INO80D: variants seen among roughly 807,000 people sequenced by gnomAD.
INO80D encodes INO80 complex subunit D.
Under a neutral mutation model 87.6 loss-of-function variants are expected in INO80D, and 21 were observed. The ratio of observed to expected loss-of-function variants is 0.24; its 90% CI spans 0.17 to 0.35. The LOEUF is 0.35. Among genes scored for constraint, INO80D ranks in the 10% least tolerant of loss-of-function variants. The probability of loss-of-function intolerance (pLI) is 1.00; values close to 1 mark genes in which losing one functional copy is unlikely to be tolerated. For missense variants in INO80D, 982 were observed against 1,280.7 expected, an observed-to-expected ratio of 0.77 and a Z score of 3.56; for synonymous variants, 440 against 491.0, an observed-to-expected ratio of 0.90 and a Z score of 1.37.
chr2:205,995,145 A>G lies in INO80D; in HGVS notation c.*9223T>C, dbSNP rs1687787052. On this transcript the variant is annotated 3_prime_UTR_variant, in exon 11 of 11. Coordinates refer to ENST00000403263, the MANE Select transcript of INO80D (RefSeq NM_017759.5). ...GTTGATCTAGGAGATGGTGGCTGACATACACTAACGGAAATATTAGGATTG... is the reference window on the plus strand; with the variant it reads ...GTTGATCTAGGAGATGGTGGCTGACGTACACTAACGGAAATATTAGGATTG... 1 of 152,218 alleles carries G rather than the reference A, an allele frequency of 6.6e-6. No individual in the cohort carries two copies. Among genetic ancestry groups the G allele is most frequent in the Non-Finnish European group, 1.5e-5 (1 of 68,024 alleles). 9.4% of individuals were successfully genotyped at this position (152,218 alleles called of 1,614,324 possible). A position where few individuals can be genotyped will look rare whatever the true frequency, so the allele number is the denominator to read the frequency against.
rs1439969308 is a variant in INO80D at position 206,001,716 on chromosome 2, G to A, written c.*2652C>T. The A allele has an allele frequency of 6.6e-6, 1 of 152,134 alleles. No individual in the cohort carries two copies. The highest frequency in any genetic ancestry group is 1.5e-5 in the Non-Finnish European group (1 of 68,016). 9.4% of individuals were successfully genotyped at this position (152,134 alleles called of 1,614,324 possible). A position where few individuals can be genotyped will look rare whatever the true frequency, so the allele number is the denominator to read the frequency against. On this transcript the variant is annotated 3_prime_UTR_variant, in exon 11 of 11. Transcript: ENST00000403263. ...AAGGGACTCATAAGAAACAGCAAGA[G>A]CAAAGCAAATTGCAAACTTTGATAT...
At chr2:206,034,938 T>C (rs1688855828) in intron 5 of INO80D, among the ~76,000 whole-genome samples, 1 of 152,076 alleles carries the variant, frequency 6.6e-6, no homozygotes, top group African/African-American at 2.4e-5. Context: ...AGCTCTTCTA[T>C]ACACCAACAG....
chr2:206,050,449 G>A (rs2105871954), intron 4 of INO80D, among the ~76,000 whole-genome samples: 1 of 132,218 alleles, frequency 7.6e-6, no homozygotes, highest in South Asian at 2.5e-4. Flanking sequence ...CCGAGACCTC[G>A]CCACTGCATT....
chr2:206,049,328 AT>A (rs1352125077), intron 4 of INO80D, among the ~76,000 whole-genome samples: 3 of 152,220 alleles, frequency 2.0e-5, no homozygotes, highest in African/African-American at 7.2e-5. Flanking sequence ...AACTGAAATA[AT>A]TAATAATTTG....
At chr2:206,082,387 C>T (rs116125528) in intron 1 of INO80D, among the ~76,000 whole-genome samples, 3,862 of 152,316 alleles carry the variant, frequency 0.025, 83 homozygotes, top group Admixed American at 0.035. Flanking sequence ...TGTCACCTTA[C>T]GTGCAAGGAG....
chr2:206,054,321 C>T (rs1013955602), intron 4 of INO80D, among the ~76,000 whole-genome samples: 1 of 151,902 alleles, frequency 6.6e-6, no homozygotes, highest in African/African-American at 2.4e-5. Flanking sequence ...TGCACCCAGC[C>T]TGCTACATAA....
chr2:206,065,305 C>T (rs1689784905), intron 1 of INO80D, among the ~76,000 whole-genome samples: 1 of 151,990 alleles, frequency 6.6e-6, no homozygotes, highest in African/African-American at 2.4e-5. Context: ...CCTGTCTCTA[C>T]TAAAAAATAC....
intron 5 of INO80D, among the ~76,000 whole-genome samples, chr2:206,032,551 T>A (rs1391242697): frequency 1.3e-5 from 2 of 152,170 alleles, no homozygotes; most frequent in Non-Finnish European, 2.9e-5. Flanking sequence ...AAGGAAAGAA[T>A]CTTAAGAGCT....
At chr2:206,014,241 A>T (rs1191576748) in intron 8 of INO80D, among the ~76,000 whole-genome samples, 2 of 152,184 alleles carry the variant, frequency 1.3e-5, no homozygotes, top group Non-Finnish European at 2.9e-5. Flanking sequence ...GTAATATGTA[A>T]TTGTAATATG....
In INO80D at chr2:205,995,180, T is replaced by C. The variant is rs1687787805; in HGVS notation, c.*9188A>G. 6.6e-6 allele frequency: 1 copy of C among 152,062 alleles called. No homozygotes were observed. Among genetic ancestry groups the C allele is most frequent in the Non-Finnish European group, 1.5e-5 (1 of 67,986 alleles). The allele number at this position is 152,062 out of a possible 1,614,324, so 9.4% of individuals were successfully genotyped here. ...GGAAATATTAGGATTGCTTTATAAG[T>C]GAAATAAACAGTCTGGTCTGTGGAA... On this transcript the variant is annotated 3_prime_UTR_variant, in exon 11 of 11. Transcript: ENST00000403263.
chr2:206,037,988 C>CA (rs1383472301), intron 5 of INO80D, among the ~76,000 whole-genome samples: 1 of 152,174 alleles, frequency 6.6e-6, no homozygotes, highest in African/African-American at 2.4e-5. Flanking sequence ...CACAGAAAGA[C>CA]AAGTATCACA....
At chr2:206,039,810 CA>C (rs35689223) in intron 5 of INO80D, among the ~76,000 whole-genome samples, 30,677 of 101,142 alleles carry the variant, frequency 0.3, 2,219 homozygotes, top group South Asian at 0.49. Flanking sequence ...CCTCTGTCTC[CA>C]AAAAAAAAAA....
intron 5 of INO80D, among the ~76,000 whole-genome samples, chr2:206,031,168 C>T (rs1043129413): frequency 2.6e-5 from 4 of 151,660 alleles, no homozygotes; most frequent in African/African-American, 9.7e-5. Context: ...GCAGGAGAAT[C>T]ACTTGAACCC....
chr2:206,035,542 G>A (rs1688870372), intron 5 of INO80D, among the ~76,000 whole-genome samples: 2 of 152,104 alleles, frequency 1.3e-5, no homozygotes, highest in Non-Finnish European at 2.9e-5. Context: ...CCACATGTAG[G>A]AGAATGAAAC....
intron 8 of INO80D, among the ~76,000 whole-genome samples, chr2:206,011,233 C>A (rs1474119569): frequency 1.3e-5 from 2 of 152,188 alleles, no homozygotes; most frequent in Non-Finnish European, 2.9e-5. Flanking sequence ...CCATTCCAGG[C>A]TTTCCCTCCA....
At chr2:206,033,769 A>G (rs1688827173) in intron 5 of INO80D, among the ~76,000 whole-genome samples, 1 of 152,180 alleles carries the variant, frequency 6.6e-6, no homozygotes, top group African/African-American at 2.4e-5. Flanking sequence ...TGAAACAAAC[A>G]AACAAAAAAA....
At chr2:206,044,773 C>T (rs114740560) in intron 5 of INO80D, among the ~76,000 whole-genome samples, 1,716 of 152,258 alleles carry the variant, frequency 0.011, 38 homozygotes, top group African/African-American at 0.039. Context: ...ATGATAACTA[C>T]CATTTATTAA....
chr2:206,072,285 G>GTT (rs113222833), intron 1 of INO80D, among the ~76,000 whole-genome samples: 1 of 150,144 alleles, frequency 6.7e-6, no homozygotes, highest in African/African-American at 2.4e-5. Context: ...GTTTTGTTTG[G>GTT]TTTTTTTTTG....
At chr2:206,020,606 ATTT>A (rs199716348) in intron 6 of INO80D, among the ~76,000 whole-genome samples, 1 of 151,698 alleles carries the variant, frequency 6.6e-6, no homozygotes, top group Non-Finnish European at 1.5e-5. Context: ...CATTATTTAA[ATTT>A]TTTTTTATCT....
Sources: gnomAD v4.1 joint callset for allele counts (sites outside exome capture counted in the v4.1 genomes callset) on GRCh38, gnomAD v4.1.1 for gene constraint, MANE v1.5 for transcripts, NCBI Gene and HGNC (gene_info 2026-07-23, HGNC 2026-07-21) for gene names.